Variants in PCCA observed in about 807,000 individuals in gnomAD.
The protein encoded by PCCA is propionyl-CoA carboxylase alpha chain, mitochondrial.
PCCA carries 74 observed loss-of-function variants against 101.3 expected under a neutral mutation model. That is an observed-to-expected ratio of 0.73 (90% CI 0.61 to 0.89). The LOEUF (loss-of-function observed/expected upper bound fraction) is 0.89. Among genes scored for constraint, PCCA ranks in the 40% least tolerant of loss-of-function variants. The pLI, the probability that PCCA is intolerant of heterozygous loss-of-function variation, is 0.00. For missense variants in PCCA, 891 were observed against 907.0 expected, an observed-to-expected ratio of 0.98 and a Z score of 0.23; for synonymous variants, 294 against 313.6, an observed-to-expected ratio of 0.94 and a Z score of 0.66.
intron 19 of PCCA, among the ~76,000 whole-genome samples, chr13:100,372,103 G>A (rs2075609769): frequency 6.6e-6 from 1 of 152,154 alleles, no homozygotes; most frequent in African/African-American, 2.4e-5. Flanking sequence ...TCAGCACTTT[G>A]GGAGGCCAAG....
chr13:100,469,067 C>T (rs968097177), intron 21 of PCCA, among the ~76,000 whole-genome samples: 3 of 151,656 alleles, frequency 2.0e-5, no homozygotes, highest in Non-Finnish European at 2.9e-5. Context: ...CAAAACTAGC[C>T]GGACGTGGTG....
intron 6 of PCCA, among the ~76,000 whole-genome samples, chr13:100,165,443 T>C (rs1237851814): frequency 6.6e-6 from 1 of 152,212 alleles, no homozygotes; most frequent in Non-Finnish European, 1.5e-5. Flanking sequence ...TTATGCTTGT[T>C]AGTCTAGTGT....
chr13:100,458,425 A>C (rs370448982), intron 21 of PCCA, among the ~76,000 whole-genome samples: 3 of 93,540 alleles, frequency 3.2e-5, no homozygotes, highest in Non-Finnish European at 5.9e-5. Flanking sequence ...CTCTGCGCGC[A>C]CACACACACA....
At position 100,284,798 on chromosome 13, in the gene PCCA, C is replaced by A. The variant is rs949628448; in HGVS notation, c.1065+11452C>A. ...GCCTTTGAGGATCCCACAGACCACA[C>A]ATCCCAACTTAGGTGGACGGTCTTG... On this transcript the variant is annotated intron_variant, in intron 12 of 23. Transcript: ENST00000376285. Among the ~76,000 whole-genome samples, 5 of 152,250 alleles carry A rather than the reference C, an allele frequency of 3.3e-5. No homozygotes were observed. In the South Asian group the frequency reaches 1.0e-3, roughly 31 times the overall value.
At chr13:100,455,439 T>G (rs566522258) in intron 21 of PCCA, among the ~76,000 whole-genome samples, 3 of 152,302 alleles carry the variant, frequency 2.0e-5, no homozygotes, top group African/African-American at 7.2e-5. Context: ...GTTTTACGCG[T>G]TTTTAAACTT....
chr13:100,312,583 A>G (rs926960638), intron 16 of PCCA, among the ~76,000 whole-genome samples: 2 of 152,336 alleles, frequency 1.3e-5, no homozygotes, highest in South Asian at 2.1e-4. Flanking sequence ...TCTTTTGTGA[A>G]TCTTTCCTAT....
chr13:100,312,928 G>A (rs767141356), intron 16 of PCCA, among the ~76,000 whole-genome samples: 4 of 152,076 alleles, frequency 2.6e-5, no homozygotes, highest in Non-Finnish European at 5.9e-5. Flanking sequence ...AAGCTCAAAG[G>A]ATTTATGAGA....
intron 18 of PCCA, 43 bp from the exon 19 acceptor site, chr13:100,368,429 T>C (rs771034496): frequency 3.8e-6 from 4 of 1,049,700 alleles, no homozygotes; most frequent in Non-Finnish European, 4.4e-6. Context: ...TGAGAAATAA[T>C]AATATAAAAT....
At chr13:100,255,337 G>C (rs528636315) in intron 8 of PCCA, among the ~76,000 whole-genome samples, 1 of 152,270 alleles carries the variant, frequency 6.6e-6, no homozygotes, top group South Asian at 2.1e-4. Flanking sequence ...TGTTTCCCCA[G>C]CTTGTTCCTT....
Position 100,284,134 on chromosome 13 carries a change from C to A in PCCA, c.1065+10788C>A, listed in dbSNP as rs539836027. 1.4e-4 allele frequency among the ~76,000 whole-genome samples: 21 copies of A among 152,364 alleles called. No homozygotes were observed. The South Asian group carries it at 3.1e-3, about 23-fold the overall frequency. Reference sequence around the variant, plus strand: ...TCCTGGATGACTGTCCTCAAGGTCCCTTACCATCCGAGGAATCCTGGGACA... The same window carrying A: ...TCCTGGATGACTGTCCTCAAGGTCCATTACCATCCGAGGAATCCTGGGACA... On this transcript the variant is annotated intron_variant, in intron 12 of 23. Transcript: ENST00000376285.
intron 22 of PCCA, among the ~76,000 whole-genome samples, chr13:100,526,760 C>T (rs978883670): frequency 1.3e-5 from 2 of 152,364 alleles, no homozygotes; most frequent in African/African-American, 2.4e-5. Context: ...GAAGTGAGTG[C>T]GCAGCATGGT....
At chr13:100,292,244 C>G (rs2065182033) in intron 12 of PCCA, among the ~76,000 whole-genome samples, 1 of 152,206 alleles carries the variant, frequency 6.6e-6, no homozygotes, top group East Asian at 1.9e-4. Flanking sequence ...AGAACAACTG[C>G]AGCTGACTAA....
intron 8 of PCCA, among the ~76,000 whole-genome samples, chr13:100,255,323 A>G (rs753482895): frequency 1.3e-5 from 2 of 152,172 alleles, no homozygotes; most frequent in Non-Finnish European, 2.9e-5. Context: ...TGTTTTATGT[A>G]TCTTGTTTCC....
intron 4 of PCCA, among the ~76,000 whole-genome samples, chr13:100,135,956 A>G (rs371598304): frequency 2.6e-5 from 4 of 151,874 alleles, no homozygotes; most frequent in African/African-American, 9.7e-5. Flanking sequence ...TGAGCGATTG[A>G]TTTTTTTAGT....
chr13:100,293,928 G>C (rs542461154), intron 12 of PCCA, among the ~76,000 whole-genome samples: 1 of 152,264 alleles, frequency 6.6e-6, no homozygotes, highest in Admixed American at 6.5e-5. Flanking sequence ...CTGAGTTCTG[G>C]ACTCTTTTTA....
chr13:100,290,125 A>G (rs2065014152), intron 12 of PCCA, among the ~76,000 whole-genome samples: 1 of 152,068 alleles, frequency 6.6e-6, no homozygotes, highest in Non-Finnish European at 1.5e-5. Flanking sequence ...TTCTAGTATT[A>G]TGTCTGGTGT....
At chr13:100,376,168 A>AG (rs1480187521) in intron 19 of PCCA, among the ~76,000 whole-genome samples, 2 of 152,190 alleles carry the variant, frequency 1.3e-5, no homozygotes, top group African/African-American at 2.4e-5. Context: ...ACTGGGTATC[A>AG]CTAGCAGAGG....
chr13:100,316,807 T>G (rs1410029429), intron 16 of PCCA, among the ~76,000 whole-genome samples: 1 of 151,890 alleles, frequency 6.6e-6, no homozygotes, highest in Non-Finnish European at 1.5e-5. Flanking sequence ...GGAGTCTCAC[T>G]CTGTCACCCA....
intron 21 of PCCA, among the ~76,000 whole-genome samples, chr13:100,461,232 T>C (rs1012419355): frequency 6.6e-6 from 1 of 152,200 alleles, no homozygotes; most frequent in Non-Finnish European, 1.5e-5. Context: ...TCTTAATTGA[T>C]TCGTTTAATT....
Sources: allele counts gnomAD v4.1 joint callset (sites outside exome capture counted in the v4.1 genomes callset), GRCh38; gene constraint gnomAD v4.1.1; transcripts MANE v1.5; gene names NCBI Gene and HGNC (gene_info 2026-07-23, HGNC 2026-07-21).